The following UNC45B variants were observed in gnomAD, a reference collection of about 807,000 sequenced individuals.
UNC45B encodes unc-45 myosin chaperone B.
Under a neutral mutation model 98.7 loss-of-function variants are expected in UNC45B, and 78 were observed. The observed-to-expected ratio is 0.79, with a 90% CI of 0.66 to 0.95. The LOEUF (loss-of-function observed/expected upper bound fraction) is 0.95. UNC45B is among the 40% of genes least tolerant of loss of function. The probability of loss-of-function intolerance (pLI) is 0.00; values close to 1 mark genes in which losing one functional copy is unlikely to be tolerated. For missense variants in UNC45B, 1,225 were observed against 1,184.9 expected (o/e 1.03, Z -0.50); for synonymous variants, 462 against 480.4 (o/e 0.96, Z 0.50).
intron 2 of UNC45B, 86 bp downstream of exon 2, chr17:35,148,517 G>A: frequency 6.8e-7 from 1 of 1,473,276 alleles, no homozygotes; most frequent in Non-Finnish European, 9.1e-7. Context: ...GATAGAAATT[G>A]CCCTTCATCC....
chr17:35,177,380 A>G lies in UNC45B; in HGVS notation c.2140-115A>G, dbSNP rs2092242137. ...CTGTCAGGATCATTGTGAGGATGAA[A>G]TCAGACAATGTATGAGAAAGTGCTT... On this transcript the variant is annotated intron_variant, in intron 16 of 19. Transcript: ENST00000394570. The G allele has an allele frequency of 6.6e-6, 5 of 762,282 alleles. No individual in the cohort carries two copies. In the Admixed American group the frequency reaches 1.4e-4, roughly 21 times the overall value. The allele number at this position is 762,282 out of a possible 1,614,324, so 47.2% of individuals were successfully genotyped here.
At chr17:35,168,973 C>A (rs2092162635) in intron 10 of UNC45B, among the ~76,000 whole-genome samples, 1 of 152,074 alleles carries the variant, frequency 6.6e-6, no homozygotes, top group Non-Finnish European at 1.5e-5. Flanking sequence ...TCCCAAAGTG[C>A]TGGGATTACA....
chr17:35,154,321 C>G (rs1412241307), intron 5 of UNC45B, among the ~76,000 whole-genome samples: 2 of 152,180 alleles, frequency 1.3e-5, no homozygotes, highest in Non-Finnish European at 2.9e-5. Flanking sequence ...TTCCATTGCT[C>G]TTAGTCTTTT....
intron 7 of UNC45B, 106 bp from the exon 8 acceptor site, chr17:35,159,269 G>T: frequency 9.6e-7 from 1 of 1,043,020 alleles, no homozygotes. Flanking sequence ...TATTCAGGAA[G>T]TAGTGGATTC....
chr17:35,155,150 G>C, intron 6 of UNC45B, 146 bp from the exon 7 acceptor site: 1 of 958,000 alleles, frequency 1.0e-6, no homozygotes. Context: ...TTCCAGGACA[G>C]AGGGGCCCAT....
Position 35,168,210 on chromosome 17 carries a change from G to C in UNC45B, c.1301G>C (p.Arg434Pro), listed in dbSNP as rs771337286. The C allele has an allele frequency of 6.3e-7, 1 of 1,598,396 alleles. No homozygotes were observed. Among genetic ancestry groups the C allele is most frequent in the Middle Eastern group, 1.7e-4 (1 of 5,996 alleles). Residue 434 changes from arginine (R) to proline (P), a missense_variant, in exon 10 of 20, where the codon CGC (arginine) becomes CCC (proline). By Grantham distance (103) the Arg-to-Pro change is moderately radical (BLOSUM62 -2). Coordinates refer to ENST00000394570, the MANE Select transcript of UNC45B (RefSeq NM_001267052.2). ...ATGGTGGCACTATGTGGCTCAGAGC[G>C]CGAGACGGACCAGCTGGTGGCCGTG... ...EMMVALCGSE[R>P]ETDQLVAVEA...
Position 35,155,343 on chromosome 17 carries a change from C to T in UNC45B, c.687C>T (p.Leu229=), listed in dbSNP as rs1325393859. 1.9e-6 allele frequency: 3 copies of T among 1,614,214 alleles called. No individual in the cohort carries two copies. The highest frequency in any genetic ancestry group is 2.7e-5 in the African/African-American group (2 of 75,054). The change falls in exon 7 of 20, where the codon CTC becomes CTT. Residue 229 remains leucine (L), a synonymous_variant. Transcript: ENST00000394570. The part of the protein sequence containing the change: ...HAVRIDRICS[L]MAVENEEMSL... ...TGCGGATAGACCGAATCTGTAGCCT[C>T]ATGGCCGTGGAGAATGAGGAGATGT...
chr17:35,183,386 T>A (rs376993369), intron 18 of UNC45B, 41 bp from the exon 19 acceptor site: 40 of 1,481,980 alleles, frequency 2.7e-5, no homozygotes, highest in African/African-American at 2.7e-4. Flanking sequence ...CTGGGCAGAT[T>A]GGGGACAGTT....
chr17:35,170,031 C>T lies in UNC45B; in HGVS notation c.1548-83C>T, dbSNP rs8066133. ...AGTGGAGTGTGAAAGGGACCTCACCCCTGGTTCACCACCCTGAAATCGCTT... is the reference window on the plus strand; with the variant it reads ...AGTGGAGTGTGAAAGGGACCTCACCTCTGGTTCACCACCCTGAAATCGCTT... On this transcript the variant is annotated intron_variant, in intron 11 of 19. Transcript: ENST00000394570. 538,482 of 1,602,902 alleles carry T rather than the reference C, an allele frequency of 0.34. 92,719 individuals carry two copies. The highest frequency in any genetic ancestry group is 0.39 in the Middle Eastern group (2,362 of 6,016).
intron 18 of UNC45B, among the ~76,000 whole-genome samples, chr17:35,181,254 A>G: frequency 6.6e-6 from 1 of 152,226 alleles, no homozygotes; most frequent in East Asian, 1.9e-4. Context: ...CATGGGACAA[A>G]TGATACCCAT....
At chr17:35,152,779 G>C in intron 4 of UNC45B, 114 bp from the exon 5 acceptor site, 1 of 787,400 alleles carries the variant, frequency 1.3e-6, no homozygotes, top group South Asian at 1.4e-5. Flanking sequence ...ATGAATGAAC[G>C]TATGTGCGGG....
chr17:35,170,241 T>C lies in UNC45B; in HGVS notation c.1675T>C (p.Phe559Leu). The change falls in exon 12 of 20, where the codon TTT becomes CTT. Residue 559 changes from phenylalanine to leucine, a missense_variant. Transcript: ENST00000394570. ...VQDVPALQAM[F>L]ELAKTSDKTI... ...GGACGTCCCTGCCCTGCAGGCCATGTTTGAGCTGGCCAAGGCAGGTGTCGG... is the reference window on the plus strand; with the variant it reads ...GGACGTCCCTGCCCTGCAGGCCATGCTTGAGCTGGCCAAGGCAGGTGTCGG... 1 of 1,610,220 alleles carries C rather than the reference T, an allele frequency of 6.2e-7. No homozygotes were observed. Among genetic ancestry groups the C allele is most frequent in the South Asian group, 1.1e-5 (1 of 90,850 alleles).
chr17:35,183,335 C>A, intron 18 of UNC45B, 92 bp from the exon 19 acceptor site: 1 of 1,356,144 alleles, frequency 7.4e-7, no homozygotes. Flanking sequence ...TCTAAGAGAT[C>A]TTGGGTCAGA....
chr17:35,150,665 T>C (rs11869426), intron 4 of UNC45B, among the ~76,000 whole-genome samples: 3,525 of 152,056 alleles, frequency 0.023, 108 homozygotes, highest in East Asian at 0.07. Flanking sequence ...AGGATAATTG[T>C]TTGAACCTGG....
At chr17:35,172,275 A>G (rs567136958) in intron 13 of UNC45B, among the ~76,000 whole-genome samples, 2 of 152,170 alleles carry the variant, frequency 1.3e-5, no homozygotes, top group South Asian at 4.1e-4. Context: ...TTTGAGACAG[A>G]GTCTTGCTCT....
At chr17:35,172,513 C>T (rs940432365) in intron 13 of UNC45B, among the ~76,000 whole-genome samples, 1 of 152,160 alleles carries the variant, frequency 6.6e-6, no homozygotes, top group African/African-American at 2.4e-5. Flanking sequence ...CCTCCTAAAG[C>T]GTTGGGAATC....
intron 10 of UNC45B, 77 bp downstream of exon 10, chr17:35,168,438 T>TCTCA: frequency 8.0e-7 from 1 of 1,242,780 alleles, no homozygotes; most frequent in South Asian, 3.4e-5. Context: ...AATGAATGAG[T>TCTCA]TGAGGCTGCT....
chr17:35,155,388 G>A lies in UNC45B; in HGVS notation c.732G>A (p.Leu244=), dbSNP rs1256696484. 1.2e-6 allele frequency: 2 copies of A among 1,614,084 alleles called. No individual in the cohort carries two copies. Among genetic ancestry groups the A allele is most frequent in the African/African-American group, 2.7e-5 (2 of 74,932 alleles). The change falls in exon 7 of 20, where the codon CTG becomes CTA. Residue 244 remains leucine, a synonymous_variant. Transcript: ENST00000394570. ...NEEMSLAVCN[L]LQAIIDSLSG... is the part of the protein sequence containing the mutation. ...AGATGTCTCTGGCTGTCTGCAACCT[G>A]CTCCAAGCCATCATTGACTCCTTGT...
rs1419049458 is a variant in UNC45B at position 35,186,474 on chromosome 17, A to G, written c.2705A>G (p.Asp902Gly). Residue 902 changes from aspartate to glycine, a missense_variant, in exon 20 of 20, where the codon GAT (aspartate) becomes GGT (glycine). Transcript: ENST00000394570. ...ACTGTGGTGGGCAAACAGGAGCCAG[A>G]TGAGAAGAAGGCAGAAGTGGTTCAG... ...ILTVVGKQEPDEKKAEVVQTA... is the reference protein window; with the variant it reads ...ILTVVGKQEPGEKKAEVVQTA... The G allele has an allele frequency of 4.3e-6, 7 of 1,614,230 alleles. No individual in the cohort carries two copies. The South Asian group carries it at 7.7e-5, about 18-fold the overall frequency.
Sources: allele counts gnomAD v4.1 joint callset (sites outside exome capture counted in the v4.1 genomes callset), GRCh38; gene constraint gnomAD v4.1.1; transcripts MANE v1.5; gene names NCBI Gene and HGNC (gene_info 2026-07-23, HGNC 2026-07-21).